The following DENND1A variants were observed in gnomAD, a reference collection of about 807,000 sequenced individuals.
The protein encoded by DENND1A is DENN domain containing 1A.
DENND1A carries 51 observed loss-of-function variants against 113.7 expected under a neutral mutation model. The observed-to-expected ratio is 0.45, with a 90% CI of 0.36 to 0.57. The LOEUF is 0.57. DENND1A is among the 20% of genes least tolerant of loss of function. The pLI, the probability that DENND1A is intolerant of heterozygous loss-of-function variation, is 0.00. For synonymous variants in DENND1A, 565 were observed against 570.8 expected (o/e 0.99, Z 0.14); for missense variants, 1,258 against 1,395.9 (o/e 0.90, Z 1.57).
chr9:123,401,517 C>T (rs969370990), intron 21 of DENND1A: 4 of 1,283,010 alleles, frequency 3.1e-6, no homozygotes, highest in Non-Finnish European at 3.0e-6. Flanking sequence ...GCCCGAGCCA[C>T]TGTGACGTAC....
intron 12 of DENND1A, among the ~76,000 whole-genome samples, chr9:123,581,962 C>G (rs543972864): frequency 6.6e-6 from 1 of 152,348 alleles, no homozygotes. Flanking sequence ...CAGCTGCCTA[C>G]AGGGCAGCTC....
intron 13 of DENND1A, among the ~76,000 whole-genome samples, chr9:123,556,504 G>T (rs373505185): frequency 6.6e-6 from 1 of 152,232 alleles, no homozygotes; most frequent in African/African-American, 2.4e-5. Context: ...TATAAAGAAT[G>T]CATTGTCTCA....
chr9:123,513,787 A>G (rs1404565449), intron 13 of DENND1A, among the ~76,000 whole-genome samples: 1 of 152,232 alleles, frequency 6.6e-6, no homozygotes, highest in Non-Finnish European at 1.5e-5. Context: ...TGCAACTAAC[A>G]GAAAAATGAC....
intron 2 of DENND1A, among the ~76,000 whole-genome samples, chr9:123,799,904 G>A (rs992001809): frequency 8.5e-5 from 13 of 152,198 alleles, no homozygotes; most frequent in Admixed American, 3.9e-4. Context: ...AATATTAGTT[G>A]TTGTTATATT....
chr9:123,529,196 C>T (rs1265141680), intron 13 of DENND1A, among the ~76,000 whole-genome samples: 2 of 151,900 alleles, frequency 1.3e-5, no homozygotes, highest in African/African-American at 4.8e-5. Flanking sequence ...TCTATATTGC[C>T]CAAGCTGGGT....
At chr9:123,851,391 T>C (rs1590369151) in intron 2 of DENND1A, among the ~76,000 whole-genome samples, 1 of 152,336 alleles carries the variant, frequency 6.6e-6, no homozygotes, top group East Asian at 1.9e-4. Flanking sequence ...CTATTCTATG[T>C]ATAGAACTCA....
chr9:123,522,735 C>T lies in DENND1A; in HGVS notation c.993+34835G>A, dbSNP rs550765412. On this transcript the variant is annotated intron_variant, in intron 13 of 23. Transcript: ENST00000394215. ...TGAGCTCCTACTATGTCCTGGGCTCCGGGCTGATGAAAATATCACTTAATT... is the reference window on the plus strand; with the variant it reads ...TGAGCTCCTACTATGTCCTGGGCTCTGGGCTGATGAAAATATCACTTAATT... Among the ~76,000 whole-genome samples, 18 of 152,200 alleles carry T rather than the reference C, an allele frequency of 1.2e-4. No homozygotes were observed. The South Asian group carries it at 3.7e-3, about 32-fold the overall frequency.
At chr9:123,535,873 G>A (rs1233686136) in intron 13 of DENND1A, among the ~76,000 whole-genome samples, 2 of 152,096 alleles carry the variant, frequency 1.3e-5, no homozygotes, top group South Asian at 2.1e-4. Flanking sequence ...TAAATTCCAA[G>A]AGGGCACTTA....
At chr9:123,923,180 C>T (rs777291100) in intron 1 of DENND1A, among the ~76,000 whole-genome samples, 1 of 152,338 alleles carries the variant, frequency 6.6e-6, no homozygotes, top group African/African-American at 2.4e-5. Context: ...TAGAGCAATA[C>T]TCCAGGTCTT....
intron 2 of DENND1A, among the ~76,000 whole-genome samples, chr9:123,832,517 A>G (rs796516200): frequency 1.6e-4 from 24 of 152,342 alleles, no homozygotes; most frequent in African/African-American, 5.8e-4. Flanking sequence ...TCCTATGTAC[A>G]TACCAAACAA....
intron 11 of DENND1A, among the ~76,000 whole-genome samples, chr9:123,590,868 C>A (rs1224275920): frequency 6.6e-6 from 1 of 152,154 alleles, no homozygotes; most frequent in Non-Finnish European, 1.5e-5. Flanking sequence ...TCATAGCCAA[C>A]CATACAAGGT....
chr9:123,722,809 TGGG>T (rs529642808), intron 5 of DENND1A, among the ~76,000 whole-genome samples: 73 of 152,178 alleles, frequency 4.8e-4, no homozygotes, highest in African/African-American at 1.7e-3. Flanking sequence ...GCTGCAGGAG[TGGG>T]GGCCCTCATG....
At chr9:123,701,362 T>C (rs1418557459) in intron 5 of DENND1A, among the ~76,000 whole-genome samples, 1 of 152,098 alleles carries the variant, frequency 6.6e-6, no homozygotes. Flanking sequence ...GAAAGGACAA[T>C]TTTGCATTAC....
Position 123,545,107 on chromosome 9 carries a change from A to AG in DENND1A, c.993+12462_993+12463insC, listed in dbSNP as rs200979118. On this transcript the variant is annotated intron_variant, in intron 13 of 23. Coordinates refer to ENST00000394215, the MANE Select transcript of DENND1A (RefSeq NM_001352964.2). Reference sequence around the variant, plus strand: ...AGCAAGACTCCGTCTCAAAAAGAAAAAAAAAAAGAACTATGACAACTTCAT... The same window carrying AG: ...AGCAAGACTCCGTCTCAAAAAGAAAAGAAAAAAAGAACTATGACAACTTCAT... 3.3e-3 allele frequency among the ~76,000 whole-genome samples: 496 copies of AG among 151,938 alleles called. 11 individuals are homozygous for AG. The highest frequency in any genetic ancestry group is 0.026 in the East Asian group (133 of 5,168).
intron 11 of DENND1A, among the ~76,000 whole-genome samples, chr9:123,594,611 C>G (rs2059603801): frequency 6.6e-6 from 1 of 151,536 alleles, no homozygotes; most frequent in African/African-American, 2.4e-5. Context: ...GACCCAGACT[C>G]CACTAAAATT....
At chr9:123,803,140 C>T (rs1254980824) in intron 2 of DENND1A, among the ~76,000 whole-genome samples, 2 of 152,174 alleles carry the variant, frequency 1.3e-5, no homozygotes, top group East Asian at 1.9e-4. Flanking sequence ...AAACTCCAGT[C>T]ATTGTTAAAT....
intron 13 of DENND1A, among the ~76,000 whole-genome samples, chr9:123,520,826 G>A (rs546487396): frequency 1.3e-5 from 2 of 152,278 alleles, no homozygotes; most frequent in African/African-American, 4.8e-5. Flanking sequence ...TGTCTGGCAC[G>A]CAGTAGGCAT....
At chr9:123,921,946 G>A (rs983135031) in intron 1 of DENND1A, among the ~76,000 whole-genome samples, 1 of 148,346 alleles carries the variant, frequency 6.7e-6, no homozygotes, top group Non-Finnish European at 1.5e-5. Context: ...TTTTGAGACA[G>A]GGTCTCACTC....
intron 5 of DENND1A, among the ~76,000 whole-genome samples, chr9:123,738,098 C>T (rs1436093210): frequency 6.6e-6 from 1 of 152,076 alleles, no homozygotes; most frequent in Non-Finnish European, 1.5e-5. Context: ...TCAAGGGACT[C>T]ATAACCAGTA....
Sources: gnomAD v4.1 joint callset for allele counts (sites outside exome capture counted in the v4.1 genomes callset) on GRCh38, gnomAD v4.1.1 for gene constraint, MANE v1.5 for transcripts, NCBI Gene and HGNC (gene_info 2026-07-23, HGNC 2026-07-21) for gene names.